CELF2: variants seen among roughly 807,000 people sequenced by gnomAD.
The protein encoded by CELF2 is CUGBP Elav-like family member 2.
A neutral mutation model predicts 62.6 loss-of-function variants in CELF2; 8 were observed. That is an observed-to-expected ratio of 0.13 (90% CI 0.07 to 0.23). The LOEUF (loss-of-function observed/expected upper bound fraction) is 0.23. CELF2 is among the 10% of genes least tolerant of loss of function. The pLI, the probability that CELF2 is intolerant of heterozygous loss-of-function variation, is 1.00. For missense variants in CELF2, 333 were observed against 671.0 expected (o/e 0.50, Z 5.56); for synonymous variants, 258 against 250.0 (o/e 1.03, Z -0.30).
At chr10:10,919,052 C>T (rs2064618479) in intron 1 of CELF2, among the ~76,000 whole-genome samples, 1 of 152,116 alleles carries the variant, frequency 6.6e-6, no homozygotes, top group African/African-American at 2.4e-5. Context: ...AGGCAGATCA[C>T]TTGAGGTCAG....
In CELF2 at chr10:10,847,542, A is replaced by G. The variant is rs368731569; in HGVS notation, c.53+48725A>G. 2.6e-4 allele frequency among the ~76,000 whole-genome samples: 39 copies of G among 152,362 alleles called. No homozygotes were observed. In the South Asian group the frequency reaches 7.0e-3, roughly 28 times the overall value. On this transcript the variant is annotated intron_variant, in intron 1 of 13. Transcript: ENST00000636488. ...ACATGATTGGAGGCAAGCACGATGT[A>G]TAACAATTCAGATTCATGTCCTCCC...
chr10:10,776,431 T>G, the CELF2 span: 3,723 of 154,464 alleles, frequency 0.024, 137 homozygotes, highest in African/African-American at 0.078. Flanking sequence ...TGCGTTGGGA[T>G]CCTTGCTTTA....
rs1183722487 is a variant in CELF2 at position 11,318,232 on chromosome 10, C to T, written c.1097-2957C>T. On this transcript the variant is annotated intron_variant, in intron 10 of 12. Transcript: ENST00000633077. The surrounding 1 kb of genome is among the most constrained non-coding windows in gnomAD (Gnocchi z 5.4). ...TACTTTTCCACCCTGGACCTAGGAA[C>T]CACCCTCCCAGATTTTCCACGATAG... The T allele has an allele frequency of 6.4e-6, 1 of 155,106 alleles. No homozygotes were observed. Among genetic ancestry groups the T allele is most frequent in the Non-Finnish European group, 1.4e-5 (1 of 70,228 alleles). The allele number at this position is 155,106 out of a possible 1,614,324, so 9.6% of individuals were successfully genotyped here. A position where few individuals can be genotyped will look rare whatever the true frequency, so the allele number is the denominator to read the frequency against.
chr10:10,686,120 G>A, the CELF2 span, among the ~76,000 whole-genome samples: 1 of 152,066 alleles, frequency 6.6e-6, no homozygotes. Flanking sequence ...AACGTGAGAA[G>A]ATGATTTCGT....
In CELF2 at chr10:11,318,858, G is replaced by A. The variant is rs1188023477; in HGVS notation, c.1097-2331G>A. The A allele has an allele frequency of 6.4e-6, 3 of 471,252 alleles. No individual in the cohort carries two copies. The highest frequency in any genetic ancestry group is 3.1e-5 in the South Asian group (2 of 64,564). 29.2% of individuals were successfully genotyped at this position (471,252 alleles called of 1,614,324 possible). On this transcript the variant is annotated intron_variant, in intron 10 of 12. Transcript: ENST00000633077. This position sits in a 1 kb window ranked among gnomAD's most constrained non-coding sequence, Gnocchi z 5.4. ...CACTCTGGAGAAGCCGAGTCGTGGA[G>A]GCTGCACATCGCAGGAAGGATCCCC...
chr10:10,647,921 C>G, the CELF2 span, among the ~76,000 whole-genome samples: 1 of 152,040 alleles, frequency 6.6e-6, no homozygotes, highest in Non-Finnish European at 1.5e-5. Flanking sequence ...TGCTTAGGAC[C>G]AATCCATTGT....
chr10:11,191,739 T>C lies in CELF2; in HGVS notation c.272-25686T>C, dbSNP rs1465922659. 2.0e-5 allele frequency among the ~76,000 whole-genome samples: 3 copies of C among 152,142 alleles called. No homozygotes were observed. Among genetic ancestry groups the C allele is most frequent in the African/African-American group, 7.2e-5 (3 of 41,424 alleles). On this transcript the variant is annotated intron_variant, in intron 2 of 12. Coordinates refer to ENST00000633077, the MANE Select transcript of CELF2 (RefSeq NM_001326342.2). This position sits in a 1 kb window ranked among gnomAD's most constrained non-coding sequence, Gnocchi z 4.1. ...TCTTCATAAGTGAAAAATAGTTACA[T>C]AATGGTTATCTCATTGGTGTTTAGA...
chr10:10,615,740 C>T, the CELF2 span, among the ~76,000 whole-genome samples: 6 of 152,272 alleles, frequency 3.9e-5, no homozygotes, highest in Middle Eastern at 6.8e-3. Context: ...GATGTGCTTG[C>T]TTCCCCTTCA....
At chr10:10,959,770 T>C (rs1592427659) in intron 2 of CELF2, among the ~76,000 whole-genome samples, 1 of 152,186 alleles carries the variant, frequency 6.6e-6, no homozygotes. Context: ...AATGACCCCA[T>C]ACCCCACAGG....
the CELF2 span, among the ~76,000 whole-genome samples, chr10:10,678,271 G>C: frequency 2.6e-5 from 4 of 152,016 alleles, no homozygotes; most frequent in Admixed American, 6.6e-5. Context: ...ATTTTAAGAA[G>C]TTAAATGAAC....
At chr10:11,303,882 G>A (rs2093985443) in intron 9 of CELF2, among the ~76,000 whole-genome samples, 3 of 152,180 alleles carry the variant, frequency 2.0e-5, no homozygotes, top group South Asian at 4.1e-4. Flanking sequence ...CCTTCCGCAC[G>A]CGACTTCACT....
At chr10:10,762,963 T>C in the CELF2 span, among the ~76,000 whole-genome samples, 1 of 152,150 alleles carries the variant, frequency 6.6e-6, no homozygotes, top group Non-Finnish European at 1.5e-5. Context: ...TTATAAAAGA[T>C]TTGAGAAAAG....
At chr10:10,732,497 A>G in the CELF2 span, among the ~76,000 whole-genome samples, 1,161 of 137,556 alleles carry the variant, frequency 8.4e-3, 10 homozygotes, top group Middle Eastern at 0.02. Flanking sequence ...TTCTTTGCCT[A>G]CTCTTACTTT....
intron 1 of CELF2, among the ~76,000 whole-genome samples, chr10:10,842,890 G>A (rs1168878123): frequency 6.6e-6 from 1 of 152,022 alleles, no homozygotes; most frequent in Non-Finnish European, 1.5e-5. Context: ...TAAATTGTTG[G>A]TGGATTCACC....
chr10:10,474,231 C>G, the CELF2 span, among the ~76,000 whole-genome samples: 1 of 151,852 alleles, frequency 6.6e-6, no homozygotes, highest in Admixed American at 6.6e-5. Flanking sequence ...CAGCTTGAGC[C>G]CAGGAGTTCA....
At chr10:10,935,031 T>C (rs1206445442) in intron 2 of CELF2, 1 of 152,208 alleles carries the variant, frequency 6.6e-6, no homozygotes, top group Non-Finnish European at 1.5e-5. Flanking sequence ...TCATAGACTG[T>C]GCTTCTCTTT....
chr10:11,266,720 G>T (rs990381324), intron 6 of CELF2, 43 bp downstream of exon 6: 4 of 1,504,238 alleles, frequency 2.7e-6, no homozygotes, highest in East Asian at 4.5e-5. Context: ...TTGTGCAAAT[G>T]ATGGGGAATG....
intron 1 of CELF2, among the ~76,000 whole-genome samples, chr10:11,041,624 G>A (rs574353198): frequency 5.9e-5 from 9 of 152,170 alleles, no homozygotes; most frequent in South Asian, 2.1e-4. Flanking sequence ...CAACTCATTC[G>A]TAGTTTCTGA....
the CELF2 span, among the ~76,000 whole-genome samples, chr10:10,504,617 T>A: frequency 6.6e-6 from 1 of 152,172 alleles, no homozygotes; most frequent in African/African-American, 2.4e-5. Flanking sequence ...AGTACTTTTT[T>A]ACCACTACCC....
Sources: gnomAD v4.1 joint callset for allele counts (sites outside exome capture counted in the v4.1 genomes callset) on GRCh38, gnomAD v4.1.1 for gene constraint, Gnocchi (gnomAD v3.1) non-coding constraint, MANE v1.5 for transcripts, NCBI Gene and HGNC (gene_info 2026-07-23, HGNC 2026-07-21) for gene names.